The following DPY19L3 variants were observed in gnomAD, a reference collection of about 807,000 sequenced individuals.
DPY19L3 encodes the protein protein C-mannosyl-transferase DPY19L3.
DPY19L3 carries 51 observed loss-of-function variants against 92.3 expected under a neutral mutation model. The observed-to-expected ratio is 0.55, with a 90% CI of 0.44 to 0.70. DPY19L3 has a LOEUF of 0.70. Among genes scored for constraint, DPY19L3 ranks in the 30% least tolerant of loss-of-function variants. The pLI is 0.00. For synonymous variants in DPY19L3, 309 were observed against 315.2 expected (o/e 0.98, Z 0.21); for missense variants, 706 against 855.9 (o/e 0.82, Z 2.18).
In DPY19L3 at chr19:32,463,920, A is replaced by T. The variant is rs1159974112; in HGVS notation, c.1497A>T (p.Leu499=). The change falls in exon 14 of 19, where the codon CTA becomes CTT. Residue 499 remains leucine (L), a synonymous_variant. Transcript: ENST00000392250. ...SHMCVFASFG[L]CSPEIWELLL... ...TGTGTGTGTTCGCATCATTCGGCCT[A>T]TGTAGCCCTGAAATATGGGAGTTAC... The T allele has an allele frequency of 6.2e-7, 1 of 1,613,558 alleles. No homozygotes were observed. Among genetic ancestry groups the T allele is most frequent in the Non-Finnish European group, 8.5e-7 (1 of 1,179,688 alleles).
intron 12 of DPY19L3, among the ~76,000 whole-genome samples, chr19:32,460,176 G>A (rs1193403700): frequency 6.6e-6 from 1 of 152,066 alleles, no homozygotes; most frequent in Non-Finnish European, 1.5e-5. Context: ...AGGTTGAGAA[G>A]GATTGCTTAA....
At position 32,435,811 on chromosome 19, in the gene DPY19L3, C is replaced by T. The variant is rs548449455; in HGVS notation, c.329-635C>T. Among the ~76,000 whole-genome samples the T allele has an allele frequency of 2.6e-5, 4 of 152,320 alleles. No homozygotes were observed. In the South Asian group the frequency reaches 8.3e-4, roughly 32 times the overall value. On this transcript the variant is annotated intron_variant, in intron 4 of 18. Coordinates refer to ENST00000392250, the MANE Select transcript of DPY19L3 (RefSeq NM_001172774.2). The stretch of plus-strand genomic sequence containing the variant: ...TTAGCCTGGTTACAGTGACAGAGGA[C>T]CTCTGTGGCTGTGGATCTCTGTAAC...
chr19:32,443,991 G>A (rs1014567628), intron 8 of DPY19L3, among the ~76,000 whole-genome samples: 1 of 151,374 alleles, frequency 6.6e-6, no homozygotes, highest in East Asian at 1.9e-4. Context: ...GCCAAGATGG[G>A]GCCACTGCAT....
intron 3 of DPY19L3, 167 bp downstream of exon 3, chr19:32,411,539 A>G (rs897925796): frequency 8.0e-6 from 4 of 502,342 alleles, no homozygotes; most frequent in South Asian, 5.0e-5. Context: ...TTAAAATAAC[A>G]TATTAGAATC....
At chr19:32,480,986 A>G in intron 18 of DPY19L3, 1 of 396,912 alleles carries the variant, frequency 2.5e-6, no homozygotes, top group Non-Finnish European at 4.4e-6. Context: ...GATTCCCCCT[A>G]CCCCTCCTGC....
At chr19:32,462,615 G>A (rs1254944754) in intron 12 of DPY19L3, among the ~76,000 whole-genome samples, 4 of 152,122 alleles carry the variant, frequency 2.6e-5, no homozygotes, top group African/African-American at 9.7e-5. Flanking sequence ...TGGGAGACGG[G>A]AACAGCTTCA....
rs776083284 is a variant in DPY19L3, at chr19:32,458,094, C to T, written c.1090-6C>T. On this transcript the variant is annotated splice_polypyrimidine_tract_variant and splice_region_variant and intron_variant, in intron 10 of 18. Transcript: ENST00000392250. ...TAGCAATTTTTGTTTTCTCTTTCCC[C>T]GATAGAAAATTCTTAACCTGAAGTC... 3.3e-5 allele frequency: 53 copies of T among 1,607,264 alleles called. No homozygotes were observed. Among genetic ancestry groups the T allele is most frequent in the Middle Eastern group, 3.3e-4 (2 of 6,040 alleles).
intron 17 of DPY19L3, chr19:32,479,676 C>T: frequency 2.6e-6 from 1 of 380,736 alleles, no homozygotes; most frequent in South Asian, 2.0e-5. Flanking sequence ...ACATTCAACA[C>T]CTCACACAGC....
chr19:32,412,929 CAAAAAAA>C (rs931698803), intron 3 of DPY19L3: 1 of 143,138 alleles, frequency 7.0e-6, no homozygotes, highest in Non-Finnish European at 1.5e-5. Flanking sequence ...TACTCTTTAT[CAAAAAAA>C]AAAAGAAAAA....
chr19:32,473,269 T>C (rs1246716933), intron 16 of DPY19L3, among the ~76,000 whole-genome samples: 2 of 152,254 alleles, frequency 1.3e-5, no homozygotes, highest in Non-Finnish European at 1.5e-5. Flanking sequence ...TTGGGCAGCC[T>C]GCTATGGAGC....
Position 32,441,494 on chromosome 19 carries a change from CTT to C in DPY19L3, c.855+1600_855+1601del, listed in dbSNP as rs11326098. On this transcript the variant is annotated intron_variant, in intron 8 of 18. Coordinates refer to ENST00000392250, the MANE Select transcript of DPY19L3 (RefSeq NM_001172774.2). The stretch of plus-strand genomic sequence containing the variant: ...TTTTTCTGATAATGAACATGTGTCT[CTT>C]TTTTTTTTTTTTTTTCTTTGAGATG... Among the ~76,000 whole-genome samples the C allele has an allele frequency of 1.9e-3, 249 of 130,198 alleles. No homozygotes were observed. In the East Asian group the frequency reaches 0.02, roughly 10 times the overall value. 85.4% of individuals were successfully genotyped at this position (130,198 alleles called of 152,430 possible).
intron 3 of DPY19L3, among the ~76,000 whole-genome samples, chr19:32,428,337 T>TA (rs546315422): frequency 1.3e-4 from 20 of 151,844 alleles, no homozygotes; most frequent in South Asian, 8.3e-4. Context: ...TTGTTTTTTT[T>TA]AAAAAAAAGC....
intron 8 of DPY19L3, among the ~76,000 whole-genome samples, chr19:32,452,657 A>G (rs1224160143): frequency 2.0e-5 from 3 of 152,144 alleles, no homozygotes; most frequent in Non-Finnish European, 4.4e-5. Context: ...ATTAAAAGGT[A>G]AATAAACAGT....
Position 32,459,737 on chromosome 19 carries a change from A to G in DPY19L3, c.1322+1228A>G, listed in dbSNP as rs1568351844. On this transcript the variant is annotated intron_variant, in intron 12 of 18. Transcript: ENST00000392250. The stretch of plus-strand genomic sequence containing the variant: ...GTGTGAATCTATGAGCCATCTCTGG[A>G]GGCTGATTGGGTATATGATCATAGA... Among the ~76,000 whole-genome samples, 3 of 152,292 alleles carry G rather than the reference A, an allele frequency of 2.0e-5. No homozygotes were observed. The South Asian group carries it at 6.2e-4, about 32-fold the overall frequency.
At chr19:32,458,640 C>A (rs116011213) in intron 12 of DPY19L3, 131 bp downstream of exon 12, 4 of 928,002 alleles carry the variant, frequency 4.3e-6, no homozygotes, top group Admixed American at 4.8e-5. Flanking sequence ...GAACATACCT[C>A]GTTTAGAGTG....
At chr19:32,474,191 A>G (rs776344393) in intron 16 of DPY19L3, among the ~76,000 whole-genome samples, 78 of 152,398 alleles carry the variant, frequency 5.1e-4, no homozygotes, top group South Asian at 1.4e-3. Flanking sequence ...GTGAAAGAGT[A>G]TGTTAACAAT....
Position 32,463,977 on chromosome 19 carries a change from G to T in DPY19L3, c.1554G>T (p.Lys518Asn). The change falls in exon 14 of 19, where the codon AAG (lysine) becomes AAT (asparagine). Residue 518 changes from lysine (K) to asparagine (N), a missense_variant. Physicochemically the swap from Lys to Asn is moderately conservative, Grantham distance 94. Coordinates refer to ENST00000392250, the MANE Select transcript of DPY19L3 (RefSeq NM_001172774.2). ...AGTCAGTCCATCTTTATAACCCAAA[G>T]AGGGTCAGTGTCATCCCTTTTTCCA... ...LLKSVHLYNPKRICIMRYSVP... is the reference protein window; with the variant it reads ...LLKSVHLYNPNRICIMRYSVP... 6.2e-7 allele frequency: 1 copy of T among 1,603,964 alleles called. No homozygotes were observed. Among genetic ancestry groups the T allele is most frequent in the Non-Finnish European group, 8.5e-7 (1 of 1,172,052 alleles).
intron 13 of DPY19L3, among the ~76,000 whole-genome samples, 184 bp downstream of exon 13, chr19:32,463,672 C>T (rs561221300): frequency 2.6e-5 from 4 of 152,278 alleles, no homozygotes; most frequent in South Asian, 4.2e-4. Flanking sequence ...ATTACAAACA[C>T]GCCTCTATGT....
intron 12 of DPY19L3, among the ~76,000 whole-genome samples, chr19:32,461,963 C>G (rs1200811255): frequency 6.6e-6 from 1 of 152,176 alleles, no homozygotes; most frequent in Non-Finnish European, 1.5e-5. Flanking sequence ...TTTCAAGTCC[C>G]TCAGTGGATG....
Sources: allele counts gnomAD v4.1 joint callset (sites outside exome capture counted in the v4.1 genomes callset), GRCh38; gene constraint gnomAD v4.1.1; transcripts MANE v1.5; gene names NCBI Gene and HGNC (gene_info 2026-07-23, HGNC 2026-07-21).